Variants in GNPTAB observed in about 807,000 individuals in gnomAD.
The protein encoded by GNPTAB is N-acetylglucosamine-1-phosphotransferase subunits alpha/beta.
Under a neutral mutation model 136.6 loss-of-function variants are expected in GNPTAB, and 92 were observed. The observed-to-expected ratio is 0.67, with a 90% CI of 0.57 to 0.80. GNPTAB has a LOEUF of 0.80. Among genes scored for constraint, GNPTAB ranks in the 30% least tolerant of loss-of-function variants. The pLI is 0.00. For synonymous variants in GNPTAB, 512 were observed against 535.1 expected, an observed-to-expected ratio of 0.96 and a Z score of 0.60; for missense variants, 1,343 against 1,501.8, an observed-to-expected ratio of 0.89 and a Z score of 1.75.
chr12:101,829,302 T>C (rs142189441), intron 1 of GNPTAB, among the ~76,000 whole-genome samples: 1,743 of 152,276 alleles, frequency 0.011, 37 homozygotes, highest in African/African-American at 0.04. Flanking sequence ...CTGGCCAACA[T>C]AGTGAAACTC....
intron 1 of GNPTAB, among the ~76,000 whole-genome samples, chr12:101,818,737 C>T (rs546676788): frequency 4.6e-5 from 7 of 152,244 alleles, no homozygotes; most frequent in African/African-American, 1.7e-4. Context: ...TGTCCCCACC[C>T]AAATCTCATT....
intron 19 of GNPTAB, among the ~76,000 whole-genome samples, chr12:101,751,960 A>C (rs1393783055): frequency 6.6e-6 from 1 of 152,120 alleles, no homozygotes; most frequent in Non-Finnish European, 1.5e-5. Context: ...AGTTGTTAGA[A>C]TAGTTAAATG....
At position 101,764,270 on chromosome 12, in the gene GNPTAB, G is replaced by C. The variant is rs774602680; in HGVS notation, c.2647C>G (p.His883Asp). The C allele has an allele frequency of 6.2e-7, 1 of 1,614,046 alleles. No homozygotes were observed. The highest frequency in any genetic ancestry group is 1.7e-5 in the Admixed American group (1 of 60,006). ...AAGCCCAAGTAACTATCTGTGTAATGCTGCAGCTTTCTTCCAAGTAACACT... is the reference window on the plus strand; with the variant it reads ...AAGCCCAAGTAACTATCTGTGTAATCCTGCAGCTTTCTTCCAAGTAACACT... ...TEVLLGRKLQ[H>D]YTDSYLGFLP... The change falls in exon 13 of 21, where the codon CAT (histidine) becomes GAT (aspartate). Residue 883 changes from histidine (H) to aspartate (D), a missense_variant. His to Asp is a moderately conservative substitution (Grantham distance 81, BLOSUM62 -1). Transcript: ENST00000299314.
At position 101,753,377 on chromosome 12, in the gene GNPTAB, C is replaced by G. The variant is rs766408752; in HGVS notation, c.3597G>C (p.Gln1199His). ...RNRFLHMHEL[Q>H]EWRAYRDKLK... is the part of the protein sequence containing the mutation. ...TATAAAACATGAGAATTTACCATTC[C>G]TGCAGCTCATGCATATGAAGGAAAC... is the stretch of plus-strand genomic sequence containing the variant. Residue 1199 changes from glutamine (Q) to histidine (H), a missense_variant, in exon 19 of 21, where the codon CAG (glutamine) becomes CAC (histidine). Gln to His is a conservative substitution (Grantham distance 24). Transcript: ENST00000299314. 1 of 1,613,210 alleles carries G rather than the reference C, an allele frequency of 6.2e-7. No homozygotes were observed. Among genetic ancestry groups the G allele is most frequent in the Admixed American group, 1.7e-5 (1 of 60,004 alleles).
At chr12:101,768,668 G>A (rs1464946437) in intron 10 of GNPTAB, among the ~76,000 whole-genome samples, 1 of 152,176 alleles carries the variant, frequency 6.6e-6, no homozygotes, top group East Asian at 1.9e-4. Flanking sequence ...ATTCTGAGCT[G>A]TGCATTCACC....
chr12:101,753,314 T>C, intron 19 of GNPTAB, 58 bp downstream of exon 19: 4 of 1,258,518 alleles, frequency 3.2e-6, no homozygotes, highest in Non-Finnish European at 4.7e-6. Flanking sequence ...AACATATAGA[T>C]ACATATGCAT....
At chr12:101,751,183 A>T (rs976334352) in intron 19 of GNPTAB, among the ~76,000 whole-genome samples, 1 of 152,234 alleles carries the variant, frequency 6.6e-6, no homozygotes, top group South Asian at 2.1e-4. Flanking sequence ...GGACTCTCTT[A>T]CACCTCTGTG....
At chr12:101,783,132 T>C (rs930471991) in intron 5 of GNPTAB, among the ~76,000 whole-genome samples, 1 of 151,926 alleles carries the variant, frequency 6.6e-6, no homozygotes, top group South Asian at 2.1e-4. Flanking sequence ...TCCACCAAGA[T>C]GTAAACACAA....
intron 2 of GNPTAB, among the ~76,000 whole-genome samples, chr12:101,791,860 G>A (rs954713069): frequency 1.3e-5 from 2 of 152,200 alleles, no homozygotes; most frequent in African/African-American, 2.4e-5. Context: ...AACTGGATGA[G>A]TTTCTCCATT....
chr12:101,790,412 AAAG>A (rs999926643), intron 2 of GNPTAB, among the ~76,000 whole-genome samples: 1 of 152,190 alleles, frequency 6.6e-6, no homozygotes, highest in Non-Finnish European at 1.5e-5. Context: ...ATAATTTAGC[AAAG>A]AAGGGAGCTG....
chr12:101,820,800 G>A (rs1260283369), intron 1 of GNPTAB, among the ~76,000 whole-genome samples: 1 of 152,122 alleles, frequency 6.6e-6, no homozygotes, highest in African/African-American at 2.4e-5. Context: ...GCTCACACCT[G>A]TAATCCCAGC....
chr12:101,798,572 C>T (rs1367009670), intron 1 of GNPTAB, among the ~76,000 whole-genome samples: 1 of 152,184 alleles, frequency 6.6e-6, no homozygotes, highest in Non-Finnish European at 1.5e-5. Flanking sequence ...AAAACTTATA[C>T]AAACACAGAC....
intron 1 of GNPTAB, among the ~76,000 whole-genome samples, chr12:101,814,811 A>C (rs1007392750): frequency 1.3e-5 from 2 of 152,232 alleles, no homozygotes; most frequent in Non-Finnish European, 2.9e-5. Context: ...GTACTTTGTA[A>C]TTTTTAAAAA....
chr12:101,775,168 A>G (rs1186941806), intron 7 of GNPTAB, among the ~76,000 whole-genome samples: 1 of 152,206 alleles, frequency 6.6e-6, no homozygotes, highest in Non-Finnish European at 1.5e-5. Context: ...AGGCTTTCCT[A>G]TTAGAAGTTA....
At chr12:101,812,715 T>C (rs1343183850) in intron 1 of GNPTAB, among the ~76,000 whole-genome samples, 1 of 152,106 alleles carries the variant, frequency 6.6e-6, no homozygotes, top group African/African-American at 2.4e-5. Flanking sequence ...GCTGTGTTCA[T>C]GCCACTGAAC....
Position 101,786,100 on chromosome 12 carries a change from A to C in GNPTAB, c.483T>G (p.Phe161Leu). Reference sequence around the variant, plus strand: ...CATTGAAAATGTCACTGGCAGAATGAAAAGAAGGATAAAGAGATGGCAGGT... The same window carrying C: ...CATTGAAAATGTCACTGGCAGAATGCAAAGAAGGATAAAGAGATGGCAGGT... ...LKDLPSLYPS[F>L]HSASDIFNVA... is the part of the protein sequence containing the mutation. Residue 161 changes from phenylalanine (F) to leucine (L), a missense_variant, in exon 5 of 21, where the codon TTT (phenylalanine) becomes TTG (leucine). Coordinates refer to ENST00000299314, the MANE Select transcript of GNPTAB (RefSeq NM_024312.5). 1 of 1,614,098 alleles carries C rather than the reference A, an allele frequency of 6.2e-7. No individual in the cohort carries two copies. Among genetic ancestry groups the C allele is most frequent in the Non-Finnish European group, 8.5e-7 (1 of 1,179,988 alleles).
rs1869260467 is a variant in GNPTAB, at chr12:101,796,004, G to A, written c.203+673C>T. On this transcript the variant is annotated intron_variant, in intron 2 of 20. Coordinates refer to ENST00000299314, the MANE Select transcript of GNPTAB (RefSeq NM_024312.5). ...AAGAAATGGTGAAGACTGCGTTCCA[G>A]AATGGCGGCACTAAGAAGCTTGGCC... 3 of 439,832 alleles carry A rather than the reference G, an allele frequency of 6.8e-6. No homozygotes were observed. In the South Asian group the frequency reaches 1.6e-4, roughly 24 times the overall value. 27.2% of individuals were successfully genotyped at this position (439,832 alleles called of 1,614,324 possible). A position where few individuals can be genotyped will look rare whatever the true frequency, so the allele number is the denominator to read the frequency against.
At position 101,761,559 on chromosome 12, in the gene GNPTAB, C is replaced by G. The variant is rs772991984; in HGVS notation, c.2915+5G>C. 5 of 1,610,932 alleles carry G rather than the reference C, an allele frequency of 3.1e-6. No homozygotes were observed. In the South Asian group the frequency reaches 5.5e-5, roughly 18 times the overall value. On this transcript the variant is annotated splice_donor_5th_base_variant and intron_variant, in intron 14 of 20. Coordinates refer to ENST00000299314, the MANE Select transcript of GNPTAB (RefSeq NM_024312.5). ...GCAAACAACTCAAACACGAGCAAGACTTACATATCTTGCAGTTCTTGCATA... is the reference window on the plus strand; with the variant it reads ...GCAAACAACTCAAACACGAGCAAGAGTTACATATCTTGCAGTTCTTGCATA...
chr12:101,802,573 A>T (rs945974534), intron 1 of GNPTAB, among the ~76,000 whole-genome samples: 1 of 150,852 alleles, frequency 6.6e-6, no homozygotes, highest in African/African-American at 2.4e-5. Context: ...GCATAGAAGG[A>T]AAAAAAAACA....
Sources: gnomAD v4.1 joint callset for allele counts (sites outside exome capture counted in the v4.1 genomes callset) on GRCh38, gnomAD v4.1.1 for gene constraint, MANE v1.5 for transcripts, NCBI Gene and HGNC (gene_info 2026-07-23, HGNC 2026-07-21) for gene names.